The following CALD1 variants were observed in gnomAD, a reference collection of about 807,000 sequenced individuals.
CALD1 encodes the protein caldesmon.
CALD1 carries 33 observed loss-of-function variants against 99.9 expected under a neutral mutation model. The observed-to-expected ratio is 0.33, with a 90% CI of 0.25 to 0.44. The LOEUF is 0.44. Among genes scored for constraint, CALD1 ranks in the 20% least tolerant of loss-of-function variants. The probability of loss-of-function intolerance (pLI) is 1.00; values close to 1 mark genes in which losing one functional copy is unlikely to be tolerated. For missense variants in CALD1, 861 were observed against 962.1 expected, an observed-to-expected ratio of 0.89 and a Z score of 1.39; for synonymous variants, 310 against 325.0, an observed-to-expected ratio of 0.95 and a Z score of 0.50.
chr7:134,905,753 T>G (rs1379734401), intron 3 of CALD1, among the ~76,000 whole-genome samples: 2 of 151,962 alleles, frequency 1.3e-5, no homozygotes, highest in Non-Finnish European at 2.9e-5. Context: ...GTCTAAATAC[T>G]GCTTTACAGG....
chr7:134,745,114 A>G (rs1050815389), intron 1 of CALD1, among the ~76,000 whole-genome samples: 25 of 152,210 alleles, frequency 1.6e-4, no homozygotes, highest in African/African-American at 6.0e-4. Flanking sequence ...TAATTAATAA[A>G]ATAAATGCAT....
At chr7:134,804,525 C>A (rs925360359) in intron 1 of CALD1, among the ~76,000 whole-genome samples, 1 of 152,182 alleles carries the variant, frequency 6.6e-6, no homozygotes, top group Non-Finnish European at 1.5e-5. Flanking sequence ...CATTTCCTTC[C>A]TAGGACTGAA....
chr7:134,845,258 A>C (rs1361906728), intron 2 of CALD1, among the ~76,000 whole-genome samples: 1 of 152,218 alleles, frequency 6.6e-6, no homozygotes, highest in Non-Finnish European at 1.5e-5. Context: ...TTTTGTATAC[A>C]GTAGACATTT....
chr7:134,748,618 G>A (rs1310010868), intron 1 of CALD1, among the ~76,000 whole-genome samples: 13 of 152,136 alleles, frequency 8.5e-5, no homozygotes, highest in Non-Finnish European at 1.6e-4. Flanking sequence ...GGCTGAGGCA[G>A]GAGAATGGCT....
intron 3 of CALD1, among the ~76,000 whole-genome samples, chr7:134,869,339 C>A (rs1022869014): frequency 1.3e-5 from 2 of 152,028 alleles, no homozygotes; most frequent in African/African-American, 2.4e-5. Context: ...ATTTGCCATA[C>A]AAGGAATAGA....
intron 1 of CALD1, among the ~76,000 whole-genome samples, chr7:134,811,896 C>G (rs1271544322): frequency 6.6e-6 from 1 of 151,808 alleles, no homozygotes; most frequent in Non-Finnish European, 1.5e-5. Context: ...TTTTTTTTTC[C>G]TGGAGTCAAA....
intron 1 of CALD1, among the ~76,000 whole-genome samples, chr7:134,771,148 C>T (rs569735011): frequency 4.9e-4 from 75 of 152,268 alleles, no homozygotes; most frequent in Non-Finnish European, 8.7e-4. Context: ...CCCACATCTC[C>T]GCTCTTTTCT....
chr7:134,965,088 C>A, intron 13 of CALD1: 1 of 418,850 alleles, frequency 2.4e-6, no homozygotes, highest in Non-Finnish European at 4.5e-6. Flanking sequence ...TACACTCCAG[C>A]TTGGGCTACA....
At chr7:134,924,550 A>C (rs950301424) in intron 3 of CALD1, among the ~76,000 whole-genome samples, 2 of 152,192 alleles carry the variant, frequency 1.3e-5, no homozygotes. Context: ...GCATGGACAC[A>C]ATTTTACCTA....
At chr7:134,808,179 C>A (rs1798220312) in intron 1 of CALD1, among the ~76,000 whole-genome samples, 1 of 151,480 alleles carries the variant, frequency 6.6e-6, no homozygotes, top group Non-Finnish European at 1.5e-5. Context: ...TGTTTCACTG[C>A]AGCTCCCAAC....
the CALD1 span, among the ~76,000 whole-genome samples, chr7:134,711,736 CTG>C: frequency 4.2e-4 from 47 of 111,510 alleles, no homozygotes; most frequent in East Asian, 7.3e-4. Context: ...GTCTCTCTCT[CTG>C]TCTCTGTCTG....
Position 134,947,777 on chromosome 7 carries a change from G to T in CALD1, c.1794+8G>T, listed in dbSNP as rs1306454753. ...CGAAAACTCAGAGAGGAGGTAAGGC[G>T]GGCGCTAGCCCACTGAGAACGTTGC... On this transcript the variant is annotated splice_region_variant and intron_variant, in intron 8 of 14. Transcript: ENST00000361675. 1 of 1,612,176 alleles carries T rather than the reference G, an allele frequency of 6.2e-7. No individual in the cohort carries two copies. Among genetic ancestry groups the T allele is most frequent in the Non-Finnish European group, 8.5e-7 (1 of 1,178,994 alleles).
intron 12 of CALD1, 186 bp downstream of exon 12, chr7:134,960,297 G>T: frequency 1.4e-6 from 1 of 723,200 alleles, no homozygotes; most frequent in Admixed American, 2.8e-5. Flanking sequence ...GAGGTACTAA[G>T]CCCGGGCCAT....
In CALD1 at chr7:134,839,083, G is replaced by A. The variant is rs960042566; in HGVS notation, c.-129-4801G>A. Among the ~76,000 whole-genome samples, 53 of 152,296 alleles carry A rather than the reference G, an allele frequency of 3.5e-4. 1 individual carries two copies. The highest frequency in any genetic ancestry group is 6.8e-3 in the Middle Eastern group (2 of 294). On this transcript the variant is annotated intron_variant, in intron 1 of 14. Coordinates refer to ENST00000361675, the MANE Select transcript of CALD1 (RefSeq NM_033138.4). The stretch of plus-strand genomic sequence containing the variant: ...ACCCTAAATGTCCCTTCAGAGTCAT[G>A]CCTTCCCCCACCCAGCCACTGCCTC...
chr7:134,763,123 A>G (rs983145863), intron 1 of CALD1, among the ~76,000 whole-genome samples: 6 of 152,192 alleles, frequency 3.9e-5, no homozygotes, highest in Non-Finnish European at 5.9e-5. Context: ...CTCTCAGTCT[A>G]TCTATCTAGA....
At chr7:134,954,206 C>T (rs1340560083) in intron 9 of CALD1, among the ~76,000 whole-genome samples, 1 of 152,126 alleles carries the variant, frequency 6.6e-6, no homozygotes, top group African/African-American at 2.4e-5. Flanking sequence ...AGTTTTTCAT[C>T]ATTAAATTAT....
At chr7:134,726,381 A>G in the CALD1 span, among the ~76,000 whole-genome samples, 1 of 145,208 alleles carries the variant, frequency 6.9e-6, no homozygotes, top group Non-Finnish European at 1.5e-5. Flanking sequence ...TTAATATAAT[A>G]TATATCTTTT....
chr7:134,893,735 T>C (rs535507483), intron 3 of CALD1, among the ~76,000 whole-genome samples: 1 of 152,318 alleles, frequency 6.6e-6, no homozygotes, highest in Non-Finnish European at 1.5e-5. Context: ...CTTCTATTAC[T>C]AGCTTTGTAC....
chr7:134,809,052 T>C (rs1272344039), intron 1 of CALD1, among the ~76,000 whole-genome samples: 2 of 152,200 alleles, frequency 1.3e-5, no homozygotes, highest in African/African-American at 2.4e-5. Flanking sequence ...AGAATATCTA[T>C]ATTTACTAAG....
Sources: gnomAD v4.1 joint callset for allele counts (sites outside exome capture counted in the v4.1 genomes callset) on GRCh38, gnomAD v4.1.1 for gene constraint, MANE v1.5 for transcripts, NCBI Gene and HGNC (gene_info 2026-07-23, HGNC 2026-07-21) for gene names.